The following VPS13B variants were observed in gnomAD, a reference collection of about 807,000 sequenced individuals.
VPS13B encodes intermembrane lipid transfer protein VPS13B.
VPS13B carries 285 observed loss-of-function variants against 426.4 expected under a neutral mutation model. That is an observed-to-expected ratio of 0.67 (90% CI 0.61 to 0.74). The LOEUF (loss-of-function observed/expected upper bound fraction) is 0.74, where lower values mean the gene tolerates loss of function less well. Ranked by LOEUF, VPS13B falls within the 30% of genes least tolerant of loss-of-function variation. The probability of loss-of-function intolerance (pLI) is 0.00; values close to 1 mark genes in which losing one functional copy is unlikely to be tolerated. For missense variants in VPS13B, 4,537 were observed against 4,782.6 expected (o/e 0.95, Z 1.51); for synonymous variants, 1,676 against 1,676.4 (o/e 1.00, Z 0.01).
At chr8:99,504,186 C>G (rs1821380343) in intron 27 of VPS13B, among the ~76,000 whole-genome samples, 1 of 152,162 alleles carries the variant, frequency 6.6e-6, no homozygotes. Flanking sequence ...TCCCTGCTCT[C>G]TCTTGCTTAC....
At chr8:99,084,866 A>C (rs1291587542) in intron 3 of VPS13B, among the ~76,000 whole-genome samples, 2 of 152,144 alleles carry the variant, frequency 1.3e-5, no homozygotes, top group Non-Finnish European at 2.9e-5. Flanking sequence ...GGAGTGCTTT[A>C]CTTCCGACTA....
At chr8:99,820,157 T>C (rs1488717212) in intron 49 of VPS13B, 35 bp downstream of exon 49, 2 of 1,581,312 alleles carry the variant, frequency 1.3e-6, no homozygotes, top group Middle Eastern at 1.8e-4. Flanking sequence ...CGAATTCTTA[T>C]CTCTCAACAA....
chr8:99,705,587 C>A (rs1392091082), intron 36 of VPS13B, among the ~76,000 whole-genome samples: 1 of 152,088 alleles, frequency 6.6e-6, no homozygotes, highest in East Asian at 1.9e-4. Flanking sequence ...GAGGTATGTG[C>A]TGCTCAGCCG....
At chr8:99,309,993 T>C (rs1820864547) in intron 19 of VPS13B, among the ~76,000 whole-genome samples, 1 of 152,200 alleles carries the variant, frequency 6.6e-6, no homozygotes, top group Non-Finnish European at 1.5e-5. Flanking sequence ...TGTCTGTTAT[T>C]GGTGTATAAG....
intron 15 of VPS13B, among the ~76,000 whole-genome samples, chr8:99,166,246 A>G (rs1486501707): frequency 1.3e-5 from 2 of 152,096 alleles, no homozygotes; most frequent in African/African-American, 4.8e-5. Context: ...CTGTCTCCCA[A>G]AGTGCTGGGA....
intron 35 of VPS13B, chr8:99,696,447 C>T (rs1283202711): frequency 3.5e-5 from 13 of 368,352 alleles, no homozygotes; most frequent in South Asian, 2.5e-4. Context: ...CCAGGCAAAG[C>T]GCAGGCAGTT....
chr8:99,079,556 T>C (rs1407581886), intron 3 of VPS13B, among the ~76,000 whole-genome samples: 1 of 152,214 alleles, frequency 6.6e-6, no homozygotes. Context: ...TAAATAATGA[T>C]CCTACTATGA....
At chr8:99,296,427 A>G (rs1820046539) in intron 19 of VPS13B, among the ~76,000 whole-genome samples, 1 of 152,206 alleles carries the variant, frequency 6.6e-6, no homozygotes. Flanking sequence ...CTAGATTCTT[A>G]TTTCTAATAT....
intron 19 of VPS13B, among the ~76,000 whole-genome samples, chr8:99,343,179 C>T (rs778358900): frequency 1.3e-5 from 2 of 151,934 alleles, no homozygotes; most frequent in African/African-American, 2.4e-5. Flanking sequence ...CTGCAACCTC[C>T]GCCTCCCAGG....
intron 2 of VPS13B, among the ~76,000 whole-genome samples, chr8:99,032,972 G>C (rs1421998734): frequency 6.6e-6 from 1 of 151,950 alleles, no homozygotes; most frequent in African/African-American, 2.4e-5. Flanking sequence ...ATTTTCTTCT[G>C]CTGCTTGTGC....
At chr8:99,543,076 A>G (rs1296375372) in intron 30 of VPS13B, among the ~76,000 whole-genome samples, 1 of 152,218 alleles carries the variant, frequency 6.6e-6, no homozygotes, top group African/African-American at 2.4e-5. Context: ...ACAAGGCTAC[A>G]GTAACCAAAG....
chr8:99,176,569 G>T (rs75307516), intron 16 of VPS13B, among the ~76,000 whole-genome samples: 154 of 152,286 alleles, frequency 1.0e-3, no homozygotes, highest in Middle Eastern at 3.4e-3. Context: ...GAATTCTGCA[G>T]CTTCAGTTGC....
At chr8:99,688,539 A>G (rs1377469538) in intron 35 of VPS13B, among the ~76,000 whole-genome samples, 1 of 152,084 alleles carries the variant, frequency 6.6e-6, no homozygotes, top group Non-Finnish European at 1.5e-5. Flanking sequence ...TTATAGAACC[A>G]TTAACTAAGA....
intron 30 of VPS13B, among the ~76,000 whole-genome samples, chr8:99,543,382 C>T (rs1461071166): frequency 6.6e-6 from 1 of 151,990 alleles, no homozygotes; most frequent in East Asian, 1.9e-4. Context: ...TAGGCATTAC[C>T]ATTCAGGACA....
intron 30 of VPS13B, among the ~76,000 whole-genome samples, chr8:99,525,391 C>T (rs1822591402): frequency 6.6e-6 from 1 of 152,108 alleles, no homozygotes; most frequent in Non-Finnish European, 1.5e-5. Context: ...AAACAGAAAA[C>T]TCCTAGGGCA....
intron 39 of VPS13B, among the ~76,000 whole-genome samples, chr8:99,752,629 G>T (rs1441650779): frequency 6.6e-6 from 1 of 152,120 alleles, no homozygotes; most frequent in Non-Finnish European, 1.5e-5. Flanking sequence ...TGTAAAATAT[G>T]CTAAGTTGAC....
chr8:99,316,249 G>A (rs1021116247), intron 19 of VPS13B, among the ~76,000 whole-genome samples: 1 of 152,196 alleles, frequency 6.6e-6, no homozygotes, highest in African/African-American at 2.4e-5. Context: ...AGGGCCACTG[G>A]CAATGGCTTT....
chr8:99,274,013 G>A (rs1328088940), intron 17 of VPS13B, among the ~76,000 whole-genome samples, 185 bp from the exon 18 acceptor site: 3 of 151,998 alleles, frequency 2.0e-5, no homozygotes, highest in East Asian at 3.9e-4. Context: ...TGAGAGTTCA[G>A]CCCATTTATT....
At chr8:99,620,597 T>C (rs1376534300) in intron 33 of VPS13B, among the ~76,000 whole-genome samples, 1 of 152,048 alleles carries the variant, frequency 6.6e-6, no homozygotes, top group East Asian at 1.9e-4. Flanking sequence ...ATAAATAAAA[T>C]ACTTTCCCAA....
Sources: allele counts gnomAD v4.1 joint callset (sites outside exome capture counted in the v4.1 genomes callset), GRCh38; gene constraint gnomAD v4.1.1; transcripts MANE v1.5; gene names NCBI Gene and HGNC (gene_info 2026-07-23, HGNC 2026-07-21).